The following FRYL variants were observed in gnomAD, a reference collection of about 807,000 sequenced individuals.
FRYL encodes FRY like transcription coactivator, also known as protein furry homolog-like.
Under a neutral mutation model 351.2 loss-of-function variants are expected in FRYL, and 150 were observed. That is an observed-to-expected ratio of 0.43 (90% confidence interval 0.37 to 0.49). FRYL has a LOEUF of 0.49. Ranked by LOEUF, FRYL falls within the 20% of genes least tolerant of loss-of-function variation. FRYL has a pLI of 0.00. For missense variants in FRYL, 3,036 were observed against 3,619.3 expected (o/e 0.84, Z 4.13); for synonymous variants, 1,153 against 1,257.1 (o/e 0.92, Z 1.75).
At chr4:48,713,752 A>C (rs1406042539) in intron 1 of FRYL, among the ~76,000 whole-genome samples, 2 of 152,214 alleles carry the variant, frequency 1.3e-5, no homozygotes, top group Non-Finnish European at 2.9e-5. Flanking sequence ...AATTGAACTC[A>C]GCTCTACACC....
At chr4:48,556,777 G>A (rs1222842954) in intron 35 of FRYL, among the ~76,000 whole-genome samples, 3 of 151,916 alleles carry the variant, frequency 2.0e-5, no homozygotes, top group East Asian at 3.9e-4. Context: ...ATACCCAGAA[G>A]AGCACCTGGC....
chr4:48,524,807 G>A (rs2148845270), intron 53 of FRYL, among the ~76,000 whole-genome samples: 1 of 152,110 alleles, frequency 6.6e-6, no homozygotes, highest in Non-Finnish European at 1.5e-5. Context: ...CTTTAAACAA[G>A]AGGCAAACAA....
chr4:48,772,429 T>C (rs1775607783), intron 1 of FRYL, among the ~76,000 whole-genome samples: 1 of 151,958 alleles, frequency 6.6e-6, no homozygotes, highest in Non-Finnish European at 1.5e-5. Flanking sequence ...TCTACATACA[T>C]CAAGGGATGA....
At chr4:48,727,898 C>G (rs1364153561) in intron 1 of FRYL, among the ~76,000 whole-genome samples, 1 of 152,174 alleles carries the variant, frequency 6.6e-6, no homozygotes, top group African/African-American at 2.4e-5. Context: ...CTAGCCTACT[C>G]TTAACTATAC....
At chr4:48,691,289 C>T (rs1424146655) in intron 2 of FRYL, among the ~76,000 whole-genome samples, 1 of 151,960 alleles carries the variant, frequency 6.6e-6, no homozygotes, top group Non-Finnish European at 1.5e-5. Flanking sequence ...GTTCATTGTA[C>T]TATTATTCCT....
intron 1 of FRYL, among the ~76,000 whole-genome samples, chr4:48,778,863 T>G (rs1232937874): frequency 1.3e-5 from 2 of 151,894 alleles, no homozygotes; most frequent in Non-Finnish European, 2.9e-5. Flanking sequence ...TGGCAACCTG[T>G]CTTGCTGTGT....
chr4:48,695,103 C>T (rs1434903487), intron 2 of FRYL, among the ~76,000 whole-genome samples: 3 of 152,160 alleles, frequency 2.0e-5, no homozygotes. Context: ...TGGCCCACAT[C>T]TCCTGCTTAC....
intron 1 of FRYL, among the ~76,000 whole-genome samples, chr4:48,756,458 G>A (rs1218202782): frequency 2.0e-5 from 3 of 152,014 alleles, no homozygotes; most frequent in African/African-American, 7.2e-5. Context: ...CACTCACTCT[G>A]ACACTAAGCC....
chr4:48,761,767 T>G (rs1041873774), intron 1 of FRYL, among the ~76,000 whole-genome samples: 25 of 152,176 alleles, frequency 1.6e-4, no homozygotes, highest in African/African-American at 5.8e-4. Flanking sequence ...GTGTAAAGGT[T>G]TGTAGCCTAG....
At chr4:48,509,616 T>C (rs1033618397) in intron 59 of FRYL, among the ~76,000 whole-genome samples, 1 of 152,252 alleles carries the variant, frequency 6.6e-6, no homozygotes, top group Admixed American at 6.5e-5. Flanking sequence ...CAGATTGGAC[T>C]TGAAGAAGCC....
intron 27 of FRYL, among the ~76,000 whole-genome samples, chr4:48,568,406 C>T (rs4610307): frequency 0.95 from 144,199 of 152,246 alleles, 68,402 homozygotes; most frequent in South Asian, 0.98. Context: ...TATCCAGTAT[C>T]TACTCCAGAG....
At position 48,581,514 on chromosome 4, in the gene FRYL, A is replaced by T. The variant is rs375746561; in HGVS notation, c.2078T>A (p.Val693Asp). The T allele has an allele frequency of 3.1e-6, 5 of 1,614,104 alleles. No homozygotes were observed. The highest frequency in any genetic ancestry group is 3.4e-6 in the Non-Finnish European group (4 of 1,179,986). ...VFHVVEGFAL[V>D]ILCSSRPATR... ...GGCAGGTCGACTGCTACAGAGAATG[A>T]CAAGCGCAAAGCCTTCAACCACATG... The change falls in exon 21 of 64, where the codon GTC (valine) becomes GAC (aspartate). Residue 693 changes from valine to aspartate, a missense_variant. By Grantham distance (152) the Val-to-Asp change is radical. Around this residue, in one of 7 missense-constraint regions of FRYL, gnomAD observed 492 missense variants for 551.5 expected, o/e 0.89. Transcript: ENST00000358350.
At chr4:48,558,630 A>G (rs1282517071) in intron 33 of FRYL, among the ~76,000 whole-genome samples, 2 of 152,240 alleles carry the variant, frequency 1.3e-5, no homozygotes, top group African/African-American at 4.8e-5. Flanking sequence ...ATCAAAAGAT[A>G]AAAGAACATC....
chr4:48,505,246 C>T (rs1720645250), intron 60 of FRYL: 1 of 337,076 alleles, frequency 3.0e-6, no homozygotes, highest in African/African-American at 2.1e-5. Context: ...ACAAATTTTT[C>T]TTTAAGAGGC....
At chr4:48,609,964 A>G (rs1238343920) in intron 7 of FRYL, 141 bp from the exon 8 acceptor site, 1 of 467,770 alleles carries the variant, frequency 2.1e-6, no homozygotes, top group Non-Finnish European at 3.8e-6. Context: ...CTTTTTTCTG[A>G]GAATCTCGTT....
intron 3 of FRYL, among the ~76,000 whole-genome samples, chr4:48,653,168 C>T (rs1212157992): frequency 6.6e-6 from 1 of 152,088 alleles, no homozygotes; most frequent in Non-Finnish European, 1.5e-5. Flanking sequence ...CTTAACTGAA[C>T]TTTGAAATCT....
chr4:48,610,275 T>C (rs1424993733), intron 7 of FRYL, among the ~76,000 whole-genome samples: 2 of 152,130 alleles, frequency 1.3e-5, no homozygotes, highest in South Asian at 4.1e-4. Context: ...TATAGACTTA[T>C]TATTAAAAAC....
At chr4:48,732,363 G>A (rs1770818308) in intron 1 of FRYL, among the ~76,000 whole-genome samples, 1 of 152,148 alleles carries the variant, frequency 6.6e-6, no homozygotes, top group Non-Finnish European at 1.5e-5. Context: ...TGGAAGACAG[G>A]GTGGTGATTC....
intron 19 of FRYL, among the ~76,000 whole-genome samples, chr4:48,584,887 A>C (rs1023190700): frequency 2.0e-5 from 3 of 152,244 alleles, no homozygotes; most frequent in Non-Finnish European, 2.9e-5. Flanking sequence ...AGGAGAGAAT[A>C]GAATAGACCC....
Sources: allele counts gnomAD v4.1 joint callset (sites outside exome capture counted in the v4.1 genomes callset), GRCh38; gene constraint gnomAD v4.1.1; regional missense constraint gnomAD v4.1.1; transcripts MANE v1.5; gene names NCBI Gene and HGNC (gene_info 2026-07-23, HGNC 2026-07-21).